The following ANO5 variants were observed in gnomAD, a reference collection of about 807,000 sequenced individuals.
ANO5 encodes anoctamin 5.
In ANO5, 109 loss-of-function variants were observed where a neutral mutation model predicts 121.0. That is an observed-to-expected ratio of 0.90 (90% CI 0.77 to 1.06). ANO5 has a LOEUF of 1.06. Ranked by LOEUF, ANO5 falls within the 50% of genes least tolerant of loss-of-function variation. The pLI, the probability that ANO5 is intolerant of heterozygous loss-of-function variation, is 0.00. For missense variants in ANO5, 1,064 were observed against 1,078.5 expected, an observed-to-expected ratio of 0.99 and a Z score of 0.19; for synonymous variants, 406 against 359.9, an observed-to-expected ratio of 1.13 and a Z score of -1.45.
intron 19 of ANO5, among the ~76,000 whole-genome samples, chr11:22,274,159 C>G (rs1047976296): frequency 6.9e-6 from 1 of 144,314 alleles, no homozygotes; most frequent in Non-Finnish European, 1.5e-5. Context: ...TCCTGTTAAT[C>G]TCTTACACAC....
chr11:22,254,027 G>C lies in ANO5; in HGVS notation c.1181-1344G>C, dbSNP rs935323188. On this transcript the variant is annotated intron_variant, in intron 12 of 21. Transcript: ENST00000324559. ...TAATTGTATACTTTACAATTAAGTG[G>C]TTAGTCTACTGTGTTCTTCCCATTT... Among the ~76,000 whole-genome samples the C allele has an allele frequency of 6.6e-5, 10 of 152,152 alleles. No individual in the cohort carries two copies. In the East Asian group the frequency reaches 1.9e-3, roughly 29 times the overall value.
chr11:22,241,686 G>T (rs992692751), intron 9 of ANO5, among the ~76,000 whole-genome samples: 2 of 151,870 alleles, frequency 1.3e-5, no homozygotes, highest in African/African-American at 4.8e-5. Flanking sequence ...CTGCTTGTAT[G>T]TATTTTGAGA....
chr11:22,276,666 G>C (rs1854864200), intron 21 of ANO5, among the ~76,000 whole-genome samples: 1 of 150,596 alleles, frequency 6.6e-6, no homozygotes, highest in African/African-American at 2.5e-5. Flanking sequence ...TCACTCCCAA[G>C]CTTATGCTCT....
intron 7 of ANO5, 49 bp from the exon 8 acceptor site, chr11:22,236,114 A>G: frequency 8.3e-7 from 1 of 1,198,336 alleles, no homozygotes; most frequent in Non-Finnish European, 1.2e-6. Context: ...AAATGTGGAA[A>G]GCATAAAGTT....
intron 9 of ANO5, among the ~76,000 whole-genome samples, chr11:22,249,180 A>G (rs562959202): frequency 6.6e-6 from 1 of 152,200 alleles, no homozygotes; most frequent in African/African-American, 2.4e-5. Context: ...AAACAGAAAG[A>G]TGCCTATTAA....
At chr11:22,196,867 C>CAAAT (rs1333391772) in intron 1 of ANO5, among the ~76,000 whole-genome samples, 19 of 146,808 alleles carry the variant, frequency 1.3e-4, no homozygotes, top group South Asian at 2.5e-4. Flanking sequence ...GACTCCGTCT[C>CAAAT]AAATAAATAA....
intron 17 of ANO5, among the ~76,000 whole-genome samples, chr11:22,267,524 A>ATATAT (rs141657651): frequency 2.8e-5 from 4 of 144,610 alleles, no homozygotes; most frequent in East Asian, 2.1e-4. Context: ...ATATATATAT[A>ATATAT]AAATCTATCT....
At chr11:22,221,857 T>C (rs893215688) in intron 5 of ANO5, among the ~76,000 whole-genome samples, 7 of 152,004 alleles carry the variant, frequency 4.6e-5, no homozygotes, top group Non-Finnish European at 8.8e-5. Flanking sequence ...TTTACTTATG[T>C]ACTTACAACA....
chr11:22,262,398 AAT>A (rs1409047628), intron 16 of ANO5, 100 bp downstream of exon 16: 6 of 1,290,012 alleles, frequency 4.7e-6, no homozygotes, highest in Non-Finnish European at 6.6e-6. Flanking sequence ...AAAATTACAA[AAT>A]ATATCTAGGC....
Position 22,210,980 on chromosome 11 carries a change from C to T in ANO5, c.88-284C>T, listed in dbSNP as rs1237376236. ...TGATTTCTTTTATGATTTGATAAAG[C>T]TACCTCCCAAATACTAATTCTCTCT... On this transcript the variant is annotated intron_variant, in intron 2 of 21. Coordinates refer to ENST00000324559, the MANE Select transcript of ANO5 (RefSeq NM_213599.3). Among the ~76,000 whole-genome samples the T allele has an allele frequency of 2.6e-5, 4 of 151,830 alleles. No individual in the cohort carries two copies. In the East Asian group the frequency reaches 7.7e-4, roughly 29 times the overall value.
chr11:22,196,501 G>GTTT lies in ANO5; in HGVS notation c.40+2982_40+2984dup, dbSNP rs34588581. ...GTATGAAAAGTTCATTGTTATGAGA[G>GTTT]TTTTTTTTTTTTTTTAATGAACATT... On this transcript the variant is annotated intron_variant, in intron 1 of 21. Coordinates refer to ENST00000324559, the MANE Select transcript of ANO5 (RefSeq NM_213599.3). 3.2e-3 allele frequency among the ~76,000 whole-genome samples: 461 copies of GTTT among 145,548 alleles called. 1 individual carries two copies. Among genetic ancestry groups the GTTT allele is most frequent in the Non-Finnish European group, 3.3e-3 (217 of 66,640 alleles).
chr11:22,272,515 T>C (rs1002556382), intron 18 of ANO5, among the ~76,000 whole-genome samples: 7 of 152,084 alleles, frequency 4.6e-5, no homozygotes, highest in African/African-American at 1.7e-4. Context: ...CAAAGAGGAA[T>C]AGAATCTTCC....
chr11:22,219,363 T>C (rs1440065329), intron 4 of ANO5, among the ~76,000 whole-genome samples: 1 of 152,076 alleles, frequency 6.6e-6, no homozygotes, highest in African/African-American at 2.4e-5. Flanking sequence ...ATACTCTGAA[T>C]ATGAGTTTTG....
chr11:22,218,375 T>G, intron 4 of ANO5, 88 bp downstream of exon 4: 1 of 1,523,356 alleles, frequency 6.6e-7, no homozygotes, highest in Non-Finnish European at 9.1e-7. Flanking sequence ...ATACTTTGAT[T>G]TGGGGGAACA....
rs76198209 is a variant in ANO5 at position 22,242,246 on chromosome 11, T to G, written c.878+2562T>G. ...TTCTCTGTTTAGTTCCATTGGTCTA[T>G]GTGTCTTACCAGTACCATGCTGTTT... On this transcript the variant is annotated intron_variant, in intron 9 of 21. Transcript: ENST00000324559. 8.7e-3 allele frequency among the ~76,000 whole-genome samples: 1,327 copies of G among 152,170 alleles called. 11 individuals are homozygous for G. Among genetic ancestry groups the G allele is most frequent in the Middle Eastern group, 0.041 (12 of 294 alleles).
chr11:22,217,933 T>TA (rs1170479866), intron 3 of ANO5, among the ~76,000 whole-genome samples: 5 of 151,574 alleles, frequency 3.3e-5, no homozygotes, highest in East Asian at 1.9e-4. Flanking sequence ...CTCCTGAACT[T>TA]AAAAAAAAGT....
intron 3 of ANO5, among the ~76,000 whole-genome samples, chr11:22,217,453 G>C (rs1462515453): frequency 1.3e-5 from 2 of 150,830 alleles, no homozygotes; most frequent in African/African-American, 4.9e-5. Context: ...AAAAACCTGG[G>C]TAAACTTTCC....
intron 9 of ANO5, among the ~76,000 whole-genome samples, chr11:22,248,705 G>T (rs968499212): frequency 6.6e-6 from 1 of 151,804 alleles, no homozygotes; most frequent in Non-Finnish European, 1.5e-5. Flanking sequence ...TGTTTTTTAT[G>T]CTCAAGGAAT....
At chr11:22,273,126 C>T (rs547423826) in intron 19 of ANO5, 137 bp downstream of exon 19, 44 of 918,444 alleles carry the variant, frequency 4.8e-5, no homozygotes, top group African/African-American at 8.2e-5. Flanking sequence ...AATTGTTATG[C>T]GCTAACCAAT....
Sources: gnomAD v4.1 joint callset for allele counts (sites outside exome capture counted in the v4.1 genomes callset) on GRCh38, gnomAD v4.1.1 for gene constraint, MANE v1.5 for transcripts, NCBI Gene and HGNC (gene_info 2026-07-23, HGNC 2026-07-21) for gene names.